The following ZNF429 variants were observed in gnomAD, a reference collection of about 807,000 sequenced individuals.
ZNF429 encodes the protein zinc finger protein 429.
A neutral mutation model predicts 56.8 loss-of-function variants in ZNF429; 53 were observed. That is an observed-to-expected ratio of 0.93 (90% CI 0.75 to 1.17). ZNF429 has a LOEUF of 1.17. Among genes scored for constraint, ZNF429 ranks in the 50% most tolerant of loss-of-function variants. The pLI is 0.00. For missense variants in ZNF429, 849 were observed against 788.4 expected, an observed-to-expected ratio of 1.08 and a Z score of -0.92; for synonymous variants, 278 against 264.7, an observed-to-expected ratio of 1.05 and a Z score of -0.49.
chr19:21,505,784 C>T lies in ZNF429; in HGVS notation c.3+10C>T. 1.2e-6 allele frequency: 2 copies of T among 1,611,030 alleles called. No individual in the cohort carries two copies. Among genetic ancestry groups the T allele is most frequent in the Non-Finnish European group, 1.7e-6 (2 of 1,178,056 alleles). On this transcript the variant is annotated intron_variant, in intron 1 of 3. Transcript: ENST00000358491. ...TGGAAGCCTAGAAATGGTGAGAGTGCCGAGTCTGACATCCCCAGAGAGGGG... is the reference window on the plus strand; with the variant it reads ...TGGAAGCCTAGAAATGGTGAGAGTGTCGAGTCTGACATCCCCAGAGAGGGG...
intron 2 of ZNF429, 78 bp from the exon 3 acceptor site, chr19:21,530,511 C>A: frequency 2.2e-6 from 2 of 909,312 alleles, no homozygotes; most frequent in South Asian, 2.4e-5. Flanking sequence ...ATATTACATC[C>A]TCTTTACTGA....
chr19:21,525,941 TATG>T (rs1222266124), intron 1 of ZNF429, among the ~76,000 whole-genome samples: 1 of 152,298 alleles, frequency 6.6e-6, no homozygotes, highest in Non-Finnish European at 1.5e-5. Flanking sequence ...CCCAGGGTGT[TATG>T]AGGATGAAAT....
intron 1 of ZNF429, among the ~76,000 whole-genome samples, chr19:21,514,202 A>G (rs980386020): frequency 3.6e-4 from 55 of 152,232 alleles, no homozygotes; most frequent in African/African-American, 1.3e-3. Flanking sequence ...TTTAACTTTT[A>G]TTTTTGGTCT....
chr19:21,529,563 C>A, intron 1 of ZNF429, 95 bp from the exon 2 acceptor site: 1 of 1,282,584 alleles, frequency 7.8e-7, no homozygotes, highest in Non-Finnish European at 1.0e-6. Flanking sequence ...TCTCTCATTT[C>A]ACCTTGAATT....
chr19:21,516,214 A>G lies in ZNF429; in HGVS notation c.3+10440A>G, dbSNP rs528725677. ...CCCCCAAGTAGCTGGGACTACAAGC[A>G]TGTGCCACTATGCTCTGCTATCATC... On this transcript the variant is annotated intron_variant, in intron 1 of 3. Coordinates refer to ENST00000358491, the MANE Select transcript of ZNF429 (RefSeq NM_001001415.4). Among the ~76,000 whole-genome samples the G allele has an allele frequency of 7.2e-5, 11 of 152,082 alleles. No homozygotes were observed. In the South Asian group the frequency reaches 2.3e-3, roughly 32 times the overall value.
intron 1 of ZNF429, chr19:21,507,631 C>T (rs968006094): frequency 6.6e-6 from 1 of 152,268 alleles, no homozygotes; most frequent in Non-Finnish European, 1.5e-5. Flanking sequence ...GGTTCCAGTA[C>T]TGTCTGTGAA....
At position 21,535,415 on chromosome 19, in the gene ZNF429, T is replaced by TC; in HGVS notation, c.227-864dup. ...TTTCTTTCTTTCTTTCTTTTTCTTT[T>TC]CTTTCTTTCTTTCTTTCTTTCTTTC... is the stretch of plus-strand genomic sequence containing the variant. On this transcript the variant is annotated intron_variant, in intron 3 of 3. Coordinates refer to ENST00000358491, the MANE Select transcript of ZNF429 (RefSeq NM_001001415.4). Among the ~76,000 whole-genome samples, 18 of 3,626 alleles carry TC rather than the reference T, an allele frequency of 5.0e-3. 4 individuals are homozygous for TC. The highest frequency in any genetic ancestry group is 0.039 in the East Asian group (7 of 178). 2.4% of individuals were successfully genotyped at this position (3,626 alleles called of 152,430 possible).
chr19:21,521,120 C>G (rs1259445983), intron 1 of ZNF429, among the ~76,000 whole-genome samples: 2 of 152,156 alleles, frequency 1.3e-5, no homozygotes, highest in African/African-American at 4.8e-5. Context: ...AAAATTGTTA[C>G]AGTAGATATT....
intron 1 of ZNF429, among the ~76,000 whole-genome samples, chr19:21,516,640 G>A (rs949751576): frequency 6.6e-6 from 1 of 152,072 alleles, no homozygotes; most frequent in Non-Finnish European, 1.5e-5. Context: ...TGTAGTTCTT[G>A]TCGTAGAGAT....
At chr19:21,529,399 T>A (rs1455316540) in intron 1 of ZNF429, 21 of 610,412 alleles carry the variant, frequency 3.4e-5, no homozygotes, top group Non-Finnish European at 3.7e-5. Flanking sequence ...TTATACTTTA[T>A]CACTTAGAAA....
At chr19:21,524,240 T>C (rs2033083946) in intron 1 of ZNF429, among the ~76,000 whole-genome samples, 1 of 152,184 alleles carries the variant, frequency 6.6e-6, no homozygotes, top group African/African-American at 2.4e-5. Context: ...CTGTAAAATG[T>C]GATGCTGGGC....
chr19:21,535,415 T>C, intron 3 of ZNF429, among the ~76,000 whole-genome samples: 131 of 3,622 alleles, frequency 0.036, 10 homozygotes, highest in South Asian at 0.042. Context: ...CTTTTTCTTT[T>C]CTTTCTTTCT....
chr19:21,533,764 C>A, intron 3 of ZNF429, among the ~76,000 whole-genome samples: 1 of 151,992 alleles, frequency 6.6e-6, no homozygotes, highest in African/African-American at 2.4e-5. Flanking sequence ...AGCAATTCTT[C>A]TGCCTCAACC....
In ZNF429 at chr19:21,537,845, T is replaced by C; in HGVS notation, c.1792T>C (p.Cys598Arg). 6.2e-7 allele frequency: 1 copy of C among 1,613,778 alleles called. No individual in the cohort carries two copies. The highest frequency in any genetic ancestry group is 8.5e-7 in the Non-Finnish European group (1 of 1,180,000). Residue 598 changes from cysteine (C) to arginine (R), a missense_variant, in exon 4 of 4, where the codon TGT becomes CGT. By Grantham distance (180) the Cys-to-Arg change is radical. Coordinates refer to ENST00000358491, the MANE Select transcript of ZNF429 (RefSeq NM_001001415.4). The stretch of plus-strand genomic sequence containing the variant: ...AGAGAAACCCTACAAATGTGAAGAA[T>C]GTGGCAAAGCTTTTAATCGGTCCTC... ...SGEKPYKCEE[C>R]GKAFNRSSRL...
chr19:21,506,774 T>TTTG (rs1555740503), intron 1 of ZNF429, among the ~76,000 whole-genome samples: 4 of 145,684 alleles, frequency 2.7e-5, no homozygotes, highest in African/African-American at 7.6e-5. Context: ...TTTGTTTTTT[T>TTTG]TTTTTTTTTT....
At chr19:21,505,938 G>A (rs1214072095) in intron 1 of ZNF429, 164 bp downstream of exon 1, 3 of 658,278 alleles carry the variant, frequency 4.6e-6, no homozygotes, top group South Asian at 1.7e-5. Flanking sequence ...ATAAGATGGC[G>A]ACTGTGCTGA....
At chr19:21,534,803 T>G in intron 3 of ZNF429, among the ~76,000 whole-genome samples, 3 of 151,258 alleles carry the variant, frequency 2.0e-5, no homozygotes, top group Non-Finnish European at 4.4e-5. Context: ...TTTTTTTTTT[T>G]TTGTTCGTTT....
In ZNF429 at chr19:21,538,598, T is replaced by TA. The variant is rs894762712; in HGVS notation, c.*526dup. ...CTGGATGACAAAACAAGACTCTGTC[T>TA]AAAAAATATATAAATAAATAAAAGA... is the stretch of plus-strand genomic sequence containing the variant. On this transcript the variant is annotated 3_prime_UTR_variant, in exon 4 of 4. Transcript: ENST00000358491. 2 of 152,028 alleles carry TA rather than the reference T, an allele frequency of 1.3e-5. No individual in the cohort carries two copies. Among genetic ancestry groups the TA allele is most frequent in the African/African-American group, 4.8e-5 (2 of 41,410 alleles). The allele number at this position is 152,028 out of a possible 1,614,324, so 9.4% of individuals were successfully genotyped here. A position where few individuals can be genotyped will look rare whatever the true frequency, so the allele number is the denominator to read the frequency against.
intron 1 of ZNF429, chr19:21,518,716 C>T (rs1459680459): frequency 6.6e-6 from 1 of 152,088 alleles, no homozygotes; most frequent in Non-Finnish European, 1.5e-5. Flanking sequence ...CCACGCCCAG[C>T]TAAATTTTTA....
Sources: gnomAD v4.1 joint callset for allele counts (sites outside exome capture counted in the v4.1 genomes callset) on GRCh38, gnomAD v4.1.1 for gene constraint, MANE v1.5 for transcripts, NCBI Gene and HGNC (gene_info 2026-07-23, HGNC 2026-07-21) for gene names.